The following USP47 variants were observed in gnomAD, a reference collection of about 807,000 sequenced individuals.
USP47 encodes ubiquitin specific peptidase 47.
In USP47, 35 loss-of-function variants were observed where a neutral mutation model predicts 165.1. The ratio of observed to expected loss-of-function variants is 0.21; its 90% confidence interval spans 0.16 to 0.28. The LOEUF is 0.28. Ranked by LOEUF, USP47 falls within the 10% of genes least tolerant of loss-of-function variation. The pLI, the probability that USP47 is intolerant of heterozygous loss-of-function variation, is 1.00. For missense variants in USP47, 1,277 were observed against 1,607.4 expected (o/e 0.79, Z 3.52); for synonymous variants, 531 against 544.5 (o/e 0.98, Z 0.35).
chr11:11,884,973 A>G (rs1287283917), intron 3 of USP47, among the ~76,000 whole-genome samples: 6 of 152,162 alleles, frequency 3.9e-5, no homozygotes, highest in Non-Finnish European at 7.3e-5. Flanking sequence ...GTTTTTCAGT[A>G]TCTGCAAGAA....
At chr11:11,928,122 T>C (rs1190250128) in intron 11 of USP47, among the ~76,000 whole-genome samples, 1 of 152,020 alleles carries the variant, frequency 6.6e-6, no homozygotes, top group Non-Finnish European at 1.5e-5. Flanking sequence ...GCAGACTTTT[T>C]CTGTGTTTAT....
intron 1 of USP47, among the ~76,000 whole-genome samples, chr11:11,860,960 C>T (rs1231534637): frequency 1.3e-5 from 2 of 152,114 alleles, no homozygotes; most frequent in Non-Finnish European, 2.9e-5. Context: ...ATCAGAAGGC[C>T]TCTGTTATTT....
intron 1 of USP47, among the ~76,000 whole-genome samples, chr11:11,851,779 C>T (rs1848740182): frequency 6.6e-6 from 1 of 152,102 alleles, no homozygotes; most frequent in African/African-American, 2.4e-5. Flanking sequence ...GATCTTGACA[C>T]TTTTGAAGAG....
intron 8 of USP47, among the ~76,000 whole-genome samples, chr11:11,913,296 G>A (rs1037975158): frequency 1.4e-4 from 20 of 147,040 alleles, no homozygotes; most frequent in East Asian, 9.8e-4. Flanking sequence ...GAACTAATAC[G>A]TGAGTTTAGC....
Position 11,920,208 on chromosome 11 carries a change from A to G in USP47, c.1022A>G (p.Gln341Arg). Reference protein sequence around the residue: ...IQPEILDGPNQYFCERCKKKC... With the variant: ...IQPEILDGPNRYFCERCKKKC... ...CCAGAGATTCTGGATGGCCCAAATC[A>G]GTATTTTTGTGAACGTTGTAAGAAG... The change falls in exon 9 of 28, where the codon CAG becomes CGG. Residue 341 changes from glutamine (Q) to arginine (R), a missense_variant. Transcript: ENST00000527733. 6.2e-7 allele frequency: 1 copy of G among 1,609,560 alleles called. No individual in the cohort carries two copies. Among genetic ancestry groups the G allele is most frequent in the Non-Finnish European group, 8.5e-7 (1 of 1,177,500 alleles).
At chr11:11,882,497 C>T (rs1021448887) in intron 2 of USP47, among the ~76,000 whole-genome samples, 2 of 151,984 alleles carry the variant, frequency 1.3e-5, no homozygotes, top group Admixed American at 6.6e-5. Context: ...AATTGGTAGT[C>T]GGACAAGACA....
At chr11:11,898,338 C>G (rs897669041) in intron 5 of USP47, among the ~76,000 whole-genome samples, 9 of 151,954 alleles carry the variant, frequency 5.9e-5, no homozygotes, top group African/African-American at 1.9e-4. Context: ...TTTAAGGATA[C>G]TTTTAAGTAT....
intron 5 of USP47, among the ~76,000 whole-genome samples, chr11:11,900,774 G>A (rs1852175252): frequency 1.3e-5 from 2 of 152,198 alleles, no homozygotes; most frequent in Non-Finnish European, 2.9e-5. Flanking sequence ...GATGACTAAA[G>A]TAATGGCAAG....
intron 1 of USP47, among the ~76,000 whole-genome samples, chr11:11,850,222 T>C (rs1040258271): frequency 2.0e-5 from 3 of 152,034 alleles, no homozygotes; most frequent in Admixed American, 6.5e-5. Flanking sequence ...CTCTCTCTTT[T>C]GAATTCCTGT....
intron 1 of USP47, among the ~76,000 whole-genome samples, chr11:11,876,429 T>C (rs1318866134): frequency 1.3e-5 from 2 of 152,184 alleles, no homozygotes; most frequent in Non-Finnish European, 2.9e-5. Context: ...CGAAGGTGTT[T>C]AGCTATATTT....
chr11:11,923,041 CATATATATAT>C (rs56976706), intron 11 of USP47, 150 bp downstream of exon 11: 3,172 of 139,918 alleles, frequency 0.023, 84 homozygotes, highest in African/African-American at 0.043. Context: ...TTTTTTTGTA[CATATATATAT>C]ATATATATAT....
chr11:11,948,701 C>T (rs1856016154), intron 22 of USP47, 143 bp downstream of exon 22: 3 of 645,666 alleles, frequency 4.6e-6, no homozygotes, highest in Admixed American at 5.7e-5. Context: ...GCAGGCCATA[C>T]TGCCTCTGTT....
chr11:11,901,004 A>G (rs987917424), intron 5 of USP47, among the ~76,000 whole-genome samples: 2 of 152,334 alleles, frequency 1.3e-5, no homozygotes, highest in African/African-American at 2.4e-5. Context: ...TAACCAGAAA[A>G]AAGGGAGCTG....
At chr11:11,873,867 G>T in intron 1 of USP47, 4 of 1,470,114 alleles carry the variant, frequency 2.7e-6, no homozygotes, top group Non-Finnish European at 3.6e-6. Flanking sequence ...CAGGTAGACT[G>T]CTGATGTAAT....
intron 16 of USP47, among the ~76,000 whole-genome samples, chr11:11,935,721 T>C (rs1370180209): frequency 6.6e-6 from 1 of 151,990 alleles, no homozygotes; most frequent in Non-Finnish European, 1.5e-5. Flanking sequence ...TGTCATCTAT[T>C]GGTGACATAA....
At chr11:11,874,725 A>T (rs1564859228) in intron 1 of USP47, among the ~76,000 whole-genome samples, 1 of 151,924 alleles carries the variant, frequency 6.6e-6, no homozygotes, top group Non-Finnish European at 1.5e-5. Flanking sequence ...ATGCTGGCTA[A>T]TTTTTTTATT....
chr11:11,935,884 A>G (rs1370933820), intron 16 of USP47, among the ~76,000 whole-genome samples: 8 of 151,970 alleles, frequency 5.3e-5, no homozygotes, highest in Admixed American at 5.3e-4. Context: ...TACTAGTTAC[A>G]TGAATTATCA....
At chr11:11,900,863 T>A (rs536666185) in intron 5 of USP47, among the ~76,000 whole-genome samples, 2 of 152,356 alleles carry the variant, frequency 1.3e-5, no homozygotes, top group African/African-American at 4.8e-5. Flanking sequence ...TATTTTACAG[T>A]AATTCCTCCC....
At chr11:11,927,863 AC>A (rs1371412172) in intron 11 of USP47, among the ~76,000 whole-genome samples, 1 of 152,054 alleles carries the variant, frequency 6.6e-6, no homozygotes, top group Non-Finnish European at 1.5e-5. Flanking sequence ...TTTCCTTCCT[AC>A]TTTTTGGCAA....
Sources: allele counts gnomAD v4.1 joint callset (sites outside exome capture counted in the v4.1 genomes callset), GRCh38; gene constraint gnomAD v4.1.1; transcripts MANE v1.5; gene names NCBI Gene and HGNC (gene_info 2026-07-23, HGNC 2026-07-21).